The following ABHD4 variants were observed in gnomAD, a reference collection of about 807,000 sequenced individuals.
The protein encoded by ABHD4 is (Lyso)-N-acylphosphatidylethanolamine lipase.
ABHD4 carries 35 observed loss-of-function variants against 42.3 expected under a neutral mutation model. That is an observed-to-expected ratio of 0.83 (90% confidence interval 0.63 to 1.10). The LOEUF is 1.10. Among genes scored for constraint, ABHD4 ranks in the 50% least tolerant of loss-of-function variants. The probability of loss-of-function intolerance (pLI) is 0.00; values close to 1 mark genes in which losing one functional copy is unlikely to be tolerated. For missense variants in ABHD4, 389 were observed against 454.8 expected (o/e 0.86, Z 1.32); for synonymous variants, 169 against 170.6 (o/e 0.99, Z 0.07).
chr14:22,603,530 A>T lies in ABHD4; in HGVS notation c.253A>T (p.Ile85Phe). The stretch of plus-strand genomic sequence containing the variant: ...TTTTGGGGGCGGCGTGGGTCTCTGG[A>T]TCCTCAACATGGACTCACTGAGTGC... Reference protein sequence around the residue: ...HGFGGGVGLWILNMDSLSARR... With the variant: ...HGFGGGVGLWFLNMDSLSARR... The change falls in exon 3 of 7, where the codon ATC (isoleucine) becomes TTC (phenylalanine). Residue 85 changes from isoleucine to phenylalanine, a missense_variant. Transcript: ENST00000428304. 1 of 1,614,110 alleles carries T rather than the reference A, an allele frequency of 6.2e-7. No individual in the cohort carries two copies. Among genetic ancestry groups the T allele is most frequent in the East Asian group, 2.2e-5 (1 of 44,872 alleles).
chr14:22,598,538 G>A, intron 1 of ABHD4: 1 of 1,435,772 alleles, frequency 7.0e-7, no homozygotes, highest in Non-Finnish European at 9.4e-7. Context: ...TGGGAGACGC[G>A]CTCGCCCGCA....
chr14:22,601,865 T>C (rs2037289640), intron 2 of ABHD4, 110 bp downstream of exon 2: 1 of 932,092 alleles, frequency 1.1e-6, no homozygotes. Flanking sequence ...TAACAGTGTG[T>C]ATGGGGTGGG....
chr14:22,610,528 C>G (rs2037402197), intron 6 of ABHD4, among the ~76,000 whole-genome samples: 1 of 152,116 alleles, frequency 6.6e-6, no homozygotes, highest in Non-Finnish European at 1.5e-5. Flanking sequence ...TTTTCTTACC[C>G]CTCTCCGCCA....
intron 1 of ABHD4, among the ~76,000 whole-genome samples, chr14:22,599,146 C>T (rs1271988227): frequency 1.3e-5 from 2 of 152,142 alleles, no homozygotes; most frequent in Non-Finnish European, 2.9e-5. Flanking sequence ...ACTGGAAGTC[C>T]GGGGAACTAA....
intron 2 of ABHD4, among the ~76,000 whole-genome samples, chr14:22,602,301 C>T (rs114365209): frequency 8.1e-4 from 123 of 152,300 alleles, no homozygotes; most frequent in African/African-American, 2.7e-3. Context: ...AGCAGCCACT[C>T]GCTCAAACAA....
chr14:22,598,586 G>A lies in ABHD4; in HGVS notation c.23+257G>A, dbSNP rs2037245612. 3 of 977,628 alleles carry A rather than the reference G, an allele frequency of 3.1e-6. No homozygotes were observed. The African/African-American group carries it at 4.8e-5, about 16-fold the overall frequency. The allele number at this position is 977,628 out of a possible 1,614,324, so 60.6% of individuals were successfully genotyped here. The stretch of plus-strand genomic sequence containing the variant: ...TGGCTTTCTACCTTAGTCCTCGCGA[G>A]TGCCCCTCATTCTCCTCTGGCCTCT... On this transcript the variant is annotated intron_variant, in intron 1 of 6. Transcript: ENST00000428304.
In ABHD4 at chr14:22,606,508, T is replaced by C. The variant is rs771823553; in HGVS notation, c.727T>C (p.Tyr243His). 6.2e-7 allele frequency: 1 copy of C among 1,613,214 alleles called. No individual in the cohort carries two copies. The highest frequency in any genetic ancestry group is 1.1e-5 in the South Asian group (1 of 90,784). ...FEDDTISEYI[Y>H]HCNAQNPSGE... The stretch of plus-strand genomic sequence containing the variant: ...AGATGATACCATATCAGAGTATATT[T>C]ACCACTGCAACGCACAGAATCCCAG... Residue 243 changes from tyrosine (Y) to histidine (H), a missense_variant, in exon 5 of 7, where the codon TAC (tyrosine) becomes CAC (histidine). Tyr to His is a moderately conservative substitution (Grantham distance 83). Transcript: ENST00000428304.
Position 22,610,873 on chromosome 14 carries a change from C to G in ABHD4, c.954C>G (p.Ala318=). 1 of 1,614,050 alleles carries G rather than the reference C, an allele frequency of 6.2e-7. No homozygotes were observed. Among genetic ancestry groups the G allele is most frequent in the Non-Finnish European group, 8.5e-7 (1 of 1,180,000 alleles). Residue 318 remains alanine, a synonymous_variant, in exon 7 of 7, where the codon GCC becomes GCG. Coordinates refer to ENST00000428304, the MANE Select transcript of ABHD4 (RefSeq NM_022060.3). The part of the protein sequence containing the change: ...SYVRDMEIKG[A]SHHVYADQPH... ...TCTCTCCACAGGAGATTAAGGGTGC[C>G]TCCCACCATGTCTATGCTGACCAGC... is the stretch of plus-strand genomic sequence containing the variant.
In ABHD4 at chr14:22,606,446, G is replaced by A. The variant is rs560158930; in HGVS notation, c.665G>A (p.Arg222Gln). Residue 222 changes from arginine (R) to glutamine (Q), a missense_variant, in exon 5 of 7, where the codon CGG becomes CAG. Transcript: ENST00000428304. ...PWGPGLVQRF[R>Q]PDFKRKFADF... Reference sequence around the variant, plus strand: ...GGGCCTGGTCTGGTGCAGCGATTCCGGCCGGACTTCAAACGCAAGTTTGCA... The same window carrying A: ...GGGCCTGGTCTGGTGCAGCGATTCCAGCCGGACTTCAAACGCAAGTTTGCA... The A allele has an allele frequency of 1.6e-5, 26 of 1,612,992 alleles. No individual in the cohort carries two copies. The highest frequency in any genetic ancestry group is 1.3e-4 in the African/African-American group (10 of 74,982).
chr14:22,608,920 G>A (rs149935947), intron 5 of ABHD4, among the ~76,000 whole-genome samples: 1,650 of 149,628 alleles, frequency 0.011, 39 homozygotes, highest in African/African-American at 0.039. Context: ...GGCTGGTCTC[G>A]AACTCCCGAC....
rs1265078808 is a variant in ABHD4, at chr14:22,612,324, C to T, written c.*1376C>T. On this transcript the variant is annotated 3_prime_UTR_variant, in exon 7 of 7. Transcript: ENST00000428304. ...ACTACTGGTCCAGCTGCCCTGGGCT[C>T]CTTTTCTATATTAATAAAGAAACGA... 2 of 152,620 alleles carry T rather than the reference C, an allele frequency of 1.3e-5. No individual in the cohort carries two copies. Among genetic ancestry groups the T allele is most frequent in the East Asian group, 3.8e-4 (2 of 5,198 alleles). 9.5% of individuals were successfully genotyped at this position (152,620 alleles called of 1,614,324 possible). A position where few individuals can be genotyped will look rare whatever the true frequency, so the allele number is the denominator to read the frequency against.
chr14:22,601,798 CAAG>C, intron 2 of ABHD4, 43 bp downstream of exon 2: 1 of 1,562,036 alleles, frequency 6.4e-7, no homozygotes, highest in Non-Finnish European at 8.8e-7. Flanking sequence ...TCATGGAGCC[CAAG>C]AAGGATTCAG....
intron 2 of ABHD4, 109 bp from the exon 3 acceptor site, chr14:22,603,281 T>C (rs944555599): frequency 2.2e-6 from 3 of 1,388,562 alleles, no homozygotes; most frequent in Admixed American, 3.8e-5. Context: ...CTGAGGGAAG[T>C]TGGGGAGGGT....
chr14:22,608,612 A>ACCC (rs2037374325), intron 5 of ABHD4, among the ~76,000 whole-genome samples: 1 of 151,994 alleles, frequency 6.6e-6, no homozygotes, highest in South Asian at 2.1e-4. Context: ...ATGTCTCTAG[A>ACCC]CCCCCAACAG....
chr14:22,601,037 G>C (rs140281701), intron 1 of ABHD4, among the ~76,000 whole-genome samples: 7 of 152,324 alleles, frequency 4.6e-5, no homozygotes, highest in Middle Eastern at 3.4e-3. Flanking sequence ...AACAAGACCA[G>C]AGGGAACCTG....
chr14:22,599,944 T>C (rs2037263006), intron 1 of ABHD4, among the ~76,000 whole-genome samples: 1 of 152,248 alleles, frequency 6.6e-6, no homozygotes, highest in Non-Finnish European at 1.5e-5. Flanking sequence ...CAGTTTTTCT[T>C]TCAAACTTCA....
chr14:22,606,525 G>A lies in ABHD4; in HGVS notation c.744G>A (p.Gln248=). Residue 248 remains glutamine (Q), a synonymous_variant, in exon 5 of 7, where the codon CAG becomes CAA. Transcript: ENST00000428304. ...AGTATATTTACCACTGCAACGCACA[G>A]AATCCCAGGTGAGGGCCGCTCCCCA... is the stretch of plus-strand genomic sequence containing the variant. ...ISEYIYHCNA[Q]NPSGETAFKA... 1 of 1,611,596 alleles carries A rather than the reference G, an allele frequency of 6.2e-7. No homozygotes were observed. Among genetic ancestry groups the A allele is most frequent in the African/African-American group, 1.3e-5 (1 of 75,004 alleles).
chr14:22,600,968 C>A (rs1226321728), intron 1 of ABHD4, among the ~76,000 whole-genome samples: 2 of 151,898 alleles, frequency 1.3e-5, no homozygotes, highest in Non-Finnish European at 2.9e-5. Context: ...ATCTGTGTTA[C>A]CGCATGTCAT....
chr14:22,609,871 G>T lies in ABHD4; in HGVS notation c.900G>T (p.Lys300Asn), dbSNP rs2037391386. The T allele has an allele frequency of 6.2e-7, 1 of 1,613,882 alleles. No homozygotes were observed. Among genetic ancestry groups the T allele is most frequent in the Non-Finnish European group, 8.5e-7 (1 of 1,179,978 alleles). Residue 300 changes from lysine (K) to asparagine (N), a missense_variant, in exon 6 of 7, where the codon AAG becomes AAT. Physicochemically the swap from Lys to Asn is moderately conservative, Grantham distance 94. Coordinates refer to ENST00000428304, the MANE Select transcript of ABHD4 (RefSeq NM_022060.3). ...GGATAGATACCAGTACGGGAAAAAA[G>T]GTGAAGATGCAGCGGCCGGATTCCT... Reference protein sequence around the residue: ...DTWIDTSTGKKVKMQRPDSYV... With the variant: ...DTWIDTSTGKNVKMQRPDSYV...
Sources: gnomAD v4.1 joint callset for allele counts (sites outside exome capture counted in the v4.1 genomes callset) on GRCh38, gnomAD v4.1.1 for gene constraint, MANE v1.5 for transcripts, NCBI Gene and HGNC (gene_info 2026-07-23, HGNC 2026-07-21) for gene names.